The following MRPS7 variants were observed in gnomAD, a reference collection of about 807,000 sequenced individuals.
MRPS7 encodes the protein small ribosomal subunit protein uS7m.
A neutral mutation model predicts 26.2 loss-of-function variants in MRPS7; 13 were observed. That is an observed-to-expected ratio of 0.50 (90% confidence interval 0.32 to 0.79). The LOEUF (loss-of-function observed/expected upper bound fraction) is 0.79, where lower values mean the gene tolerates loss of function less well. MRPS7 is among the 30% of genes least tolerant of loss of function. The pLI, the probability that MRPS7 is intolerant of heterozygous loss-of-function variation, is 0.03. For synonymous variants in MRPS7, 129 were observed against 113.3 expected, an observed-to-expected ratio of 1.14 and a Z score of -0.88; for missense variants, 318 against 312.2, an observed-to-expected ratio of 1.02 and a Z score of -0.14.
At position 75,265,731 on chromosome 17, in the gene MRPS7, C is replaced by T. The variant is rs1330432633; in HGVS notation, c.537C>T (p.Arg179=). 2.5e-6 allele frequency: 4 copies of T among 1,613,978 alleles called. No homozygotes were observed. The highest frequency in any genetic ancestry group is 3.4e-6 in the Non-Finnish European group (4 of 1,180,052). ...CTGTACCCCTACCCGACCGGCGTCG[C>T]CGCTTCCTAGCCATGAAGTGGATGA... The part of the protein sequence containing the change: ...QVPVPLPDRR[R]RFLAMKWMIT... The change falls in exon 5 of 5, where the codon CGC becomes CGT. Residue 179 remains arginine (R), a synonymous_variant. Transcript: ENST00000245539.
chr17:75,265,718 C>G lies in MRPS7; in HGVS notation c.524C>G (p.Pro175Arg). ...CTCACCCAGGTCCCTGTACCCCTACCCGACCGGCGTCGCCGCTTCCTAGCC... is the reference window on the plus strand; with the variant it reads ...CTCACCCAGGTCCCTGTACCCCTACGCGACCGGCGTCGCCGCTTCCTAGCC... ...GRFYQVPVPL[P>R]DRRRRFLAMK... is the part of the protein sequence containing the mutation. The change falls in exon 5 of 5, where the codon CCC becomes CGC. Residue 175 changes from proline (P) to arginine (R), a missense_variant. Pro to Arg is a moderately radical substitution (Grantham distance 103, BLOSUM62 -2). Transcript: ENST00000245539. 6.2e-7 allele frequency: 1 copy of G among 1,613,966 alleles called. No individual in the cohort carries two copies. The highest frequency in any genetic ancestry group is 8.5e-7 in the Non-Finnish European group (1 of 1,180,040).
chr17:75,265,213 A>AT (rs11444502), intron 4 of MRPS7, among the ~76,000 whole-genome samples: 123,249 of 151,664 alleles, frequency 0.81, 50,317 homozygotes, highest in East Asian at 0.94. Flanking sequence ...TAATTTTTGC[A>AT]TTTTAGTAGA....
chr17:75,262,559 A>G lies in MRPS7; in HGVS notation c.146A>G (p.Glu49Gly). The G allele has an allele frequency of 6.2e-7, 1 of 1,614,170 alleles. No homozygotes were observed. Among genetic ancestry groups the G allele is most frequent in the East Asian group, 2.2e-5 (1 of 44,886 alleles). The change falls in exon 2 of 5, where the codon GAA (glutamate) becomes GGA (glycine). Residue 49 changes from glutamate to glycine, a missense_variant. Physicochemically the swap from Glu to Gly is moderately conservative, Grantham distance 98 (BLOSUM62 -2). Coordinates refer to ENST00000245539, the MANE Select transcript of MRPS7 (RefSeq NM_015971.4). ...TTCAAGGATCCCTTGATTGACAAGG[A>G]ATATTATCGCAAGCCAGTGGAGGAG... ...PEFKDPLIDK[E>G]YYRKPVEELT...
At chr17:75,262,736 G>A (rs765580180) in intron 2 of MRPS7, 48 bp downstream of exon 2, 48 of 1,613,656 alleles carry the variant, frequency 3.0e-5, no homozygotes, top group Non-Finnish European at 4.0e-5. Context: ...CTATCCCAGG[G>A]AGGGTTTCTG....
chr17:75,261,935 G>C lies in MRPS7; in HGVS notation c.35G>C (p.Trp12Ser). ...AAPAVKVARG[W>S]SGLALGVRRA... ...CCCGCAGTGAAGGTTGCCCGAGGATGGTCGGGCCTGGCGTTGGGCGTGCGG... is the reference window on the plus strand; with the variant it reads ...CCCGCAGTGAAGGTTGCCCGAGGATCGTCGGGCCTGGCGTTGGGCGTGCGG... Residue 12 changes from tryptophan (W) to serine (S), a missense_variant, in exon 1 of 5, where the codon TGG (tryptophan) becomes TCG (serine). By Grantham distance (177) the Trp-to-Ser change is radical. Coordinates refer to ENST00000245539, the MANE Select transcript of MRPS7 (RefSeq NM_015971.4). 1 of 1,608,862 alleles carries C rather than the reference G, an allele frequency of 6.2e-7. No individual in the cohort carries two copies. The highest frequency in any genetic ancestry group is 8.5e-7 in the Non-Finnish European group (1 of 1,179,880).
At chr17:75,265,599 G>T (rs2077470342) in intron 4 of MRPS7, 103 bp from the exon 5 acceptor site, 1 of 1,027,670 alleles carries the variant, frequency 9.7e-7, no homozygotes, top group Non-Finnish European at 1.5e-6. Flanking sequence ...ACCAGGGCTG[G>T]TCCAGAGGGA....
intron 3 of MRPS7, 113 bp downstream of exon 3, chr17:75,262,980 G>A: frequency 9.4e-7 from 1 of 1,063,006 alleles, no homozygotes; most frequent in Non-Finnish European, 1.4e-6. Flanking sequence ...CTATTATTCA[G>A]ATTAACTTCC....
intron 4 of MRPS7, among the ~76,000 whole-genome samples, chr17:75,264,736 A>C (rs186323436): frequency 2.0e-5 from 3 of 148,422 alleles, no homozygotes; most frequent in Non-Finnish European, 4.4e-5. Context: ...GCAGTGCTGT[A>C]ATCTCAGCTC....
intron 4 of MRPS7, chr17:75,264,159 C>T (rs540490914): frequency 7.6e-6 from 1 of 131,528 alleles, no homozygotes; most frequent in Admixed American, 8.7e-5. Context: ...GGCAACAGAG[C>T]AAGACGCCAT....
At position 75,263,457 on chromosome 17, in the gene MRPS7, G is replaced by T. The variant is rs1210839179; in HGVS notation, c.457G>T (p.Glu153Ter). Residue 153 changes from glutamate (E) to a stop codon, truncating the protein, a stop_gained, in exon 4 of 5, where the codon GAG becomes TAG. Coordinates refer to ENST00000245539, the MANE Select transcript of MRPS7 (RefSeq NM_015971.4). LOFTEE classifies it high-confidence loss of function. ...TIFHQALKNC[E>*]PMIGLVPILK... ...CTTCCATCAAGCACTGAAAAACTGT[G>T]AGCCTATGATTGGGCTGGTACCCAT... 2.5e-6 allele frequency: 4 copies of T among 1,614,102 alleles called. No homozygotes were observed. Among genetic ancestry groups the T allele is most frequent in the Non-Finnish European group, 3.4e-6 (4 of 1,180,040 alleles).
In MRPS7 at chr17:75,265,732, C is replaced by T. The variant is rs374174412; in HGVS notation, c.538C>T (p.Arg180Cys). 24 of 1,613,964 alleles carry T rather than the reference C, an allele frequency of 1.5e-5. No homozygotes were observed. Among genetic ancestry groups the T allele is most frequent in the African/African-American group, 8.0e-5 (6 of 74,936 alleles). The change falls in exon 5 of 5, where the codon CGC (arginine) becomes TGC (cysteine). Residue 180 changes from arginine (R) to cysteine (C), a missense_variant. By Grantham distance (180) the Arg-to-Cys change is radical. Transcript: ENST00000245539. ...TGTACCCCTACCCGACCGGCGTCGCCGCTTCCTAGCCATGAAGTGGATGAT... is the reference window on the plus strand; with the variant it reads ...TGTACCCCTACCCGACCGGCGTCGCTGCTTCCTAGCCATGAAGTGGATGAT... ...VPVPLPDRRRRFLAMKWMITE... is the reference protein window; with the variant it reads ...VPVPLPDRRRCFLAMKWMITE...
chr17:75,262,914 C>G, intron 3 of MRPS7, 47 bp downstream of exon 3: 1 of 1,572,664 alleles, frequency 6.4e-7, no homozygotes, highest in Non-Finnish European at 8.7e-7. Flanking sequence ...CCCCCTACCC[C>G]GTAGCCTTGT....
chr17:75,262,936 T>C (rs1349596501), intron 3 of MRPS7, 69 bp downstream of exon 3: 1 of 1,455,988 alleles, frequency 6.9e-7, no homozygotes, highest in South Asian at 1.2e-5. Flanking sequence ...CTTGGTACTT[T>C]CAGTGTAGCT....
chr17:75,262,132 A>G (rs560636718), intron 1 of MRPS7, 149 bp downstream of exon 1: 19 of 953,300 alleles, frequency 2.0e-5, no homozygotes, highest in Admixed American at 1.6e-4. Context: ...CCCTGCGCCA[A>G]TCCGAAGGTT....
chr17:75,262,838 AAAG>A lies in MRPS7; in HGVS notation c.311_313del (p.Lys104_Val105delinsIle), dbSNP rs1391531390. ...CAACATGATGATGATAGGAGGAAAC[AAAG>A]TACTGGCCAGATCCCTCATGATTCA... is the stretch of plus-strand genomic sequence containing the variant. On this transcript the variant is annotated inframe_deletion, in exon 3 of 5. Coordinates refer to ENST00000245539, the MANE Select transcript of MRPS7 (RefSeq NM_015971.4). The A allele has an allele frequency of 1.2e-6, 2 of 1,614,050 alleles. No homozygotes were observed. The highest frequency in any genetic ancestry group is 2.7e-5 in the African/African-American group (2 of 74,914).
chr17:75,262,549 A>T lies in MRPS7; in HGVS notation c.136A>T (p.Ile46Phe). ...RYSPEFKDPL[I>F]DKEYYRKPVE... ...TAGTCCTGAATTCAAGGATCCCTTG[A>T]TTGACAAGGAATATTATCGCAAGCC... The change falls in exon 2 of 5, where the codon ATT becomes TTT. Residue 46 changes from isoleucine (I) to phenylalanine (F), a missense_variant. Coordinates refer to ENST00000245539, the MANE Select transcript of MRPS7 (RefSeq NM_015971.4). 1 of 1,614,158 alleles carries T rather than the reference A, an allele frequency of 6.2e-7. No homozygotes were observed. The highest frequency in any genetic ancestry group is 1.1e-5 in the South Asian group (1 of 91,088).
chr17:75,263,160 C>T (rs2077435511), intron 3 of MRPS7, 180 bp from the exon 4 acceptor site: 4 of 711,122 alleles, frequency 5.6e-6, no homozygotes, highest in Non-Finnish European at 6.8e-6. Flanking sequence ...TCAATCCACT[C>T]TTTCTGTCCT....
intron 3 of MRPS7, 80 bp downstream of exon 3, chr17:75,262,947 T>A: frequency 1.5e-6 from 2 of 1,334,216 alleles, no homozygotes; most frequent in Non-Finnish European, 2.1e-6. Flanking sequence ...CAGTGTAGCT[T>A]AAGAGCAAAT....
chr17:75,262,888 C>T, intron 3 of MRPS7, 21 bp downstream of exon 3: 1 of 1,612,324 alleles, frequency 6.2e-7, no homozygotes, highest in Non-Finnish European at 8.5e-7. Context: ...CTTCCCTCCT[C>T]AGTCATCTTT....
Sources: gnomAD v4.1 joint callset for allele counts (sites outside exome capture counted in the v4.1 genomes callset) on GRCh38, gnomAD v4.1.1 for gene constraint, MANE v1.5 for transcripts, NCBI Gene and HGNC (gene_info 2026-07-23, HGNC 2026-07-21) for gene names.